VPS13B: variants seen among roughly 807,000 people sequenced by gnomAD.
VPS13B encodes vacuolar protein sorting 13 homolog B.
In VPS13B, 285 loss-of-function variants were observed where a neutral mutation model predicts 426.4. The observed-to-expected ratio is 0.67, with a 90% CI of 0.61 to 0.74. The LOEUF (loss-of-function observed/expected upper bound fraction) is 0.74. VPS13B is among the 30% of genes least tolerant of loss of function. The probability of loss-of-function intolerance (pLI) is 0.00; values close to 1 mark genes in which losing one functional copy is unlikely to be tolerated. For missense variants in VPS13B, 4,537 were observed against 4,782.6 expected, an observed-to-expected ratio of 0.95 and a Z score of 1.51; for synonymous variants, 1,676 against 1,676.4, an observed-to-expected ratio of 1.00 and a Z score of 0.01.
At chr8:99,389,396 C>T (rs1814300415) in intron 20 of VPS13B, among the ~76,000 whole-genome samples, 1 of 152,060 alleles carries the variant, frequency 6.6e-6, no homozygotes, top group African/African-American at 2.4e-5. Context: ...GGGCTAGGGA[C>T]ACCAACTCCC....
chr8:99,681,205 C>T (rs1588618076), intron 35 of VPS13B, among the ~76,000 whole-genome samples: 2 of 152,304 alleles, frequency 1.3e-5, no homozygotes, highest in East Asian at 3.9e-4. Context: ...TGATGGTTCT[C>T]ATTCTGGTGC....
At chr8:99,282,536 C>T (rs1273757974) in intron 19 of VPS13B, among the ~76,000 whole-genome samples, 5 of 152,112 alleles carry the variant, frequency 3.3e-5, no homozygotes, top group Non-Finnish European at 5.9e-5. Flanking sequence ...AAGCTTTATA[C>T]TTATTTCTAT....
rs1821781006 is a variant in VPS13B, at chr8:99,511,427, C to T, written c.4548C>T (p.Ser1516=). 1.2e-6 allele frequency: 2 copies of T among 1,613,330 alleles called. No homozygotes were observed. Among genetic ancestry groups the T allele is most frequent in the Non-Finnish European group, 1.7e-6 (2 of 1,179,892 alleles). Reference sequence around the variant, plus strand: ...CCATGAGGACCCATACACTGACATCCCGCAATTTACCTTTGATTTATGTCA... The same window carrying T: ...CCATGAGGACCCATACACTGACATCTCGCAATTTACCTTTGATTTATGTCA... ...GQPMRTHTLT[S]RNLPLIYVNT... Residue 1516 remains serine, a synonymous_variant, in exon 29 of 62, where the codon TCC becomes TCT. Transcript: ENST00000357162.
intron 34 of VPS13B, among the ~76,000 whole-genome samples, chr8:99,657,147 C>T (rs1054612556): frequency 2.0e-5 from 3 of 152,056 alleles, no homozygotes; most frequent in African/African-American, 4.8e-5. Flanking sequence ...AAGTCATCTC[C>T]CCCTGTAATT....
intron 44 of VPS13B, among the ~76,000 whole-genome samples, chr8:99,810,635 T>G (rs923543952): frequency 4.6e-5 from 7 of 152,214 alleles, no homozygotes; most frequent in Non-Finnish European, 1.0e-4. Flanking sequence ...AACTGAGCAT[T>G]CCTCAGAATA....
At position 99,298,550 on chromosome 8, in the gene VPS13B, TAGAA is replaced by T. The variant is rs572973733; in HGVS notation, c.2824+23300_2824+23303del. ...ATAAAAAAGATATACTTTTGTCTGA[TAGAA>T]AGATTATCTTGGAGATCGTCAAGAT... On this transcript the variant is annotated intron_variant, in intron 19 of 61. Transcript: ENST00000357162. 4.1e-3 allele frequency among the ~76,000 whole-genome samples: 631 copies of T among 152,226 alleles called. 4 individuals are homozygous for T. The highest frequency in any genetic ancestry group is 5.6e-3 in the Non-Finnish European group (379 of 67,996).
intron 30 of VPS13B, among the ~76,000 whole-genome samples, chr8:99,535,171 T>C (rs973183312): frequency 3.9e-5 from 6 of 152,208 alleles, no homozygotes; most frequent in African/African-American, 1.4e-4. Flanking sequence ...ACACATTGTA[T>C]AAGAGCACTG....
intron 16 of VPS13B, among the ~76,000 whole-genome samples, chr8:99,176,391 C>T (rs1488854595): frequency 6.6e-6 from 1 of 152,148 alleles, no homozygotes; most frequent in Non-Finnish European, 1.5e-5. Context: ...CCCACCTTGG[C>T]CTCCCAAAGT....
At chr8:99,403,993 G>T (rs900245017) in intron 21 of VPS13B, among the ~76,000 whole-genome samples, 1 of 152,122 alleles carries the variant, frequency 6.6e-6, no homozygotes, top group Non-Finnish European at 1.5e-5. Context: ...TAAACACAGG[G>T]TTTATTCAAC....
intron 31 of VPS13B, among the ~76,000 whole-genome samples, chr8:99,559,022 A>T (rs1433379647): frequency 7.2e-5 from 11 of 152,120 alleles, no homozygotes; most frequent in African/African-American, 1.2e-4. Context: ...TTACAGTCCC[A>T]CCAACAGTGT....
chr8:99,547,023 C>G (rs1240605624), intron 30 of VPS13B, among the ~76,000 whole-genome samples: 1 of 152,000 alleles, frequency 6.6e-6, no homozygotes, highest in Non-Finnish European at 1.5e-5. Flanking sequence ...GGGACCTTAT[C>G]TGTGCTCACC....
intron 15 of VPS13B, among the ~76,000 whole-genome samples, chr8:99,169,183 G>A (rs868462585): frequency 5.9e-5 from 9 of 152,042 alleles, no homozygotes; most frequent in Middle Eastern, 3.4e-3. Flanking sequence ...AAAGATAAAT[G>A]TTGAGATTAA....
At chr8:99,639,654 A>G (rs1829222531) in intron 33 of VPS13B, among the ~76,000 whole-genome samples, 1 of 148,632 alleles carries the variant, frequency 6.7e-6, no homozygotes, top group African/African-American at 2.4e-5. Context: ...TTGCATATAT[A>G]TATATTATTA....
intron 34 of VPS13B, among the ~76,000 whole-genome samples, chr8:99,652,608 T>C (rs1225524289): frequency 6.6e-6 from 1 of 152,084 alleles, no homozygotes; most frequent in African/African-American, 2.4e-5. Flanking sequence ...GACATTTGAG[T>C]AAACGAACAG....
intron 35 of VPS13B, among the ~76,000 whole-genome samples, chr8:99,684,667 G>A (rs535005670): frequency 6.6e-6 from 1 of 152,278 alleles, no homozygotes; most frequent in East Asian, 1.9e-4. Context: ...TTTATAGCTG[G>A]TTTATTGCCA....
At chr8:99,595,112 A>G (rs1240012507) in intron 33 of VPS13B, among the ~76,000 whole-genome samples, 3 of 152,072 alleles carry the variant, frequency 2.0e-5, no homozygotes, top group Middle Eastern at 6.8e-3. Context: ...ACCCTCTAAA[A>G]TTGTTAAGAG....
intron 21 of VPS13B, among the ~76,000 whole-genome samples, chr8:99,404,777 C>T (rs1454766131): frequency 2.0e-5 from 3 of 152,094 alleles, no homozygotes; most frequent in Admixed American, 2.0e-4. Context: ...TTTTATCTTA[C>T]CCTACCCCAT....
intron 19 of VPS13B, among the ~76,000 whole-genome samples, chr8:99,304,370 A>G (rs1474220701): frequency 2.0e-5 from 3 of 151,910 alleles, no homozygotes; most frequent in African/African-American, 4.8e-5. Context: ...CATATTTTCT[A>G]TTGGCAGATG....
chr8:99,484,114 T>C (rs1820180841), intron 25 of VPS13B, among the ~76,000 whole-genome samples: 1 of 152,132 alleles, frequency 6.6e-6, no homozygotes, highest in African/African-American at 2.4e-5. Context: ...TTACTAGATG[T>C]ATAATAATAC....
Sources: allele counts gnomAD v4.1 joint callset (sites outside exome capture counted in the v4.1 genomes callset), GRCh38; gene constraint gnomAD v4.1.1; transcripts MANE v1.5; gene names NCBI Gene and HGNC (gene_info 2026-07-23, HGNC 2026-07-21).